FAM120B: variants seen among roughly 807,000 people sequenced by gnomAD.
The protein encoded by FAM120B is family with sequence similarity 120 member B, also known as constitutive coactivator of peroxisome proliferator-activated receptor gamma.
In FAM120B, 83 loss-of-function variants were observed where a neutral mutation model predicts 96.3. The ratio of observed to expected loss-of-function variants is 0.86; its 90% CI spans 0.72 to 1.03. The LOEUF is 1.03. Among genes scored for constraint, FAM120B ranks in the 50% least tolerant of loss-of-function variants. The probability of loss-of-function intolerance (pLI) is 0.00; values close to 1 mark genes in which losing one functional copy is unlikely to be tolerated. For missense variants in FAM120B, 1,027 were observed against 1,121.2 expected, an observed-to-expected ratio of 0.92 and a Z score of 1.20; for synonymous variants, 407 against 402.7, an observed-to-expected ratio of 1.01 and a Z score of -0.13.
At chr6:170,329,172 G>A (rs1785826107) in intron 3 of FAM120B, among the ~76,000 whole-genome samples, 1 of 152,226 alleles carries the variant, frequency 6.6e-6, no homozygotes, top group Admixed American at 6.5e-5. Flanking sequence ...CTTGCCATCT[G>A]CACACTGCCC....
chr6:170,307,140 TGAG>T (rs1001025927), intron 1 of FAM120B, among the ~76,000 whole-genome samples: 4 of 152,246 alleles, frequency 2.6e-5, no homozygotes, highest in Non-Finnish European at 5.9e-5. Flanking sequence ...TGCCCCATCT[TGAG>T]GTCACCTCTG....
chr6:170,355,300 A>G (rs542125492), intron 5 of FAM120B, among the ~76,000 whole-genome samples: 1 of 152,328 alleles, frequency 6.6e-6, no homozygotes, highest in Non-Finnish European at 1.5e-5. Context: ...ACAATAGCAA[A>G]GACATTGAAT....
intron 6 of FAM120B, among the ~76,000 whole-genome samples, chr6:170,367,436 C>T (rs1167274472): frequency 6.6e-6 from 1 of 152,256 alleles, no homozygotes; most frequent in Non-Finnish European, 1.5e-5. Flanking sequence ...TAGCCATGCT[C>T]AGTCATTTGC....
chr6:170,376,628 G>C (rs989173042), intron 6 of FAM120B, among the ~76,000 whole-genome samples: 24 of 152,178 alleles, frequency 1.6e-4, no homozygotes, highest in African/African-American at 5.8e-4. Context: ...TGCTCACCTT[G>C]TTGAGAACAA....
chr6:170,361,731 G>A (rs1788473608), intron 6 of FAM120B, among the ~76,000 whole-genome samples: 1 of 152,176 alleles, frequency 6.6e-6, no homozygotes, highest in South Asian at 2.1e-4. Context: ...TACATAGTGT[G>A]TACAACCCTT....
intron 3 of FAM120B, among the ~76,000 whole-genome samples, chr6:170,328,436 A>G (rs1014730922): frequency 4.6e-5 from 7 of 152,136 alleles, no homozygotes; most frequent in Non-Finnish European, 8.8e-5. Flanking sequence ...GGGGGGGTAT[A>G]GTTTTGCTGC....
chr6:170,322,446 A>C (rs565538166), intron 2 of FAM120B, among the ~76,000 whole-genome samples: 1 of 152,302 alleles, frequency 6.6e-6, no homozygotes, highest in Non-Finnish European at 1.5e-5. Flanking sequence ...GCTGGGAAAG[A>C]CTGGAAGAGA....
intron 6 of FAM120B, among the ~76,000 whole-genome samples, chr6:170,376,747 G>A (rs1258677113): frequency 3.3e-5 from 5 of 152,222 alleles, no homozygotes; most frequent in African/African-American, 9.6e-5. Context: ...AATGTGAACC[G>A]AAAATCTGGA....
chr6:170,322,423 T>A lies in FAM120B; in HGVS notation c.1735-656T>A, dbSNP rs551903288. ...GCAAACCTTAAAGGGAAAAGAGGAT[T>A]GTAAAGTGGGAGGCTGGGAAAGACT... On this transcript the variant is annotated intron_variant, in intron 2 of 10. Transcript: ENST00000476287. Among the ~76,000 whole-genome samples, 13 of 152,078 alleles carry A rather than the reference T, an allele frequency of 8.5e-5. No homozygotes were observed. In the South Asian group the frequency reaches 2.5e-3, roughly 29 times the overall value.
At chr6:170,349,527 A>G (rs1437092811) in intron 5 of FAM120B, among the ~76,000 whole-genome samples, 2 of 152,130 alleles carry the variant, frequency 1.3e-5, no homozygotes, top group African/African-American at 4.8e-5. Context: ...GTAAGATGTG[A>G]TATGGTTAAG....
At chr6:170,295,242 AC>A (rs1287830820), upstream of FAM120B, 7 of 583,526 alleles carry the variant, frequency 1.2e-5, no homozygotes, top group Admixed American at 2.8e-5. This position sits in a 1 kb window ranked among gnomAD's most constrained non-coding sequence, Gnocchi z 7.8. Flanking sequence ...CATAGACCTT[AC>A]CCCCCAACAC....
At chr6:170,367,122 C>G (rs1479273959) in intron 6 of FAM120B, among the ~76,000 whole-genome samples, 1 of 152,126 alleles carries the variant, frequency 6.6e-6, no homozygotes, top group Non-Finnish European at 1.5e-5. Flanking sequence ...TAAAACTCAC[C>G]AGTAGAAGTT....
At chr6:170,300,064 T>C (rs1784107809) in intron 1 of FAM120B, among the ~76,000 whole-genome samples, 2 of 152,130 alleles carry the variant, frequency 1.3e-5, no homozygotes, top group Admixed American at 6.5e-5. Flanking sequence ...TTGTCTTTCC[T>C]AATTTTTGGA....
At chr6:170,294,077 T>G (rs915240785), upstream of FAM120B, among the ~76,000 whole-genome samples, 3 of 152,068 alleles carry the variant, frequency 2.0e-5, no homozygotes, top group African/African-American at 7.2e-5. This position sits in a 1 kb window ranked among gnomAD's most constrained non-coding sequence, Gnocchi z 7.9. Flanking sequence ...TTTCACTCCC[T>G]AACTGCATGT....
At chr6:170,372,324 A>G (rs912820790) in intron 6 of FAM120B, among the ~76,000 whole-genome samples, 2 of 150,744 alleles carry the variant, frequency 1.3e-5, no homozygotes, top group Non-Finnish European at 2.9e-5. Flanking sequence ...GATTAAATCT[A>G]TTAGGAATCA....
At chr6:170,335,004 A>T (rs1460637142) in intron 4 of FAM120B, among the ~76,000 whole-genome samples, 1 of 147,578 alleles carries the variant, frequency 6.8e-6, no homozygotes, top group Admixed American at 6.8e-5. Flanking sequence ...CTAAAGATTC[A>T]CTTTGCATGT....
chr6:170,357,695 C>A (rs1290425273), intron 5 of FAM120B, among the ~76,000 whole-genome samples: 5 of 152,248 alleles, frequency 3.3e-5, no homozygotes. Flanking sequence ...GATCAACTGT[C>A]TGGCTCTAAG....
chr6:170,300,310 G>A (rs775671684), intron 1 of FAM120B, among the ~76,000 whole-genome samples: 19 of 152,158 alleles, frequency 1.2e-4, no homozygotes, highest in Non-Finnish European at 2.2e-4. Flanking sequence ...AAAACCATCA[G>A]GTCTCATGAG....
At chr6:170,306,573 C>A (rs1784292816), upstream of FAM120B, 1 of 152,216 alleles carries the variant, frequency 6.6e-6, no homozygotes, top group Non-Finnish European at 1.5e-5. Flanking sequence ...GTTGCTGTGG[C>A]AACAGGCCGC....
Sources: allele counts gnomAD v4.1 joint callset (sites outside exome capture counted in the v4.1 genomes callset), GRCh38; gene constraint gnomAD v4.1.1; non-coding constraint Gnocchi (gnomAD v3.1); transcripts MANE v1.5; gene names NCBI Gene and HGNC (gene_info 2026-07-23, HGNC 2026-07-21).